ZNF407: variants seen among roughly 807,000 people sequenced by gnomAD.
ZNF407 encodes the protein zinc finger protein 407.
A neutral mutation model predicts 131.2 loss-of-function variants in ZNF407; 17 were observed. The ratio of observed to expected loss-of-function variants is 0.13; its 90% confidence interval spans 0.09 to 0.19. The LOEUF is 0.19. Among genes scored for constraint, ZNF407 ranks in the 10% least tolerant of loss-of-function variants. ZNF407 has a pLI of 1.00. For synonymous variants in ZNF407, 1,156 were observed against 1,062.0 expected (o/e 1.09, Z -1.72); for missense variants, 2,681 against 2,830.6 (o/e 0.95, Z 1.20).
At position 74,790,532 on chromosome 18, in the gene ZNF407, T is replaced by A. The variant is rs1189161342; in HGVS notation, c.4877+9030T>A. ...TTTTCTTCAGCTGGCATCTAGAATA[T>A]TTTTGGCCATTCTTTCTTTTATTTC... is the stretch of plus-strand genomic sequence containing the variant. On this transcript the variant is annotated intron_variant, in intron 4 of 8. Transcript: ENST00000299687. 1.3e-5 allele frequency among the ~76,000 whole-genome samples: 2 copies of A among 152,224 alleles called. 1 individual carries two copies. Among genetic ancestry groups the A allele is most frequent in the Non-Finnish European group, 2.9e-5 (2 of 68,040 alleles).
rs139023247 is a variant in ZNF407 at position 74,667,498 on chromosome 18, T to C, written c.4802+26376T>C. 4.1e-3 allele frequency among the ~76,000 whole-genome samples: 622 copies of C among 152,356 alleles called. 2 individuals carry two copies. The highest frequency in any genetic ancestry group is 0.014 in the African/African-American group (585 of 41,586). ...AGCTGTTGCTTTTACTGAGCATTTC[T>C]GATGTCAGGTTGCGTACTCGTCTCT... is the stretch of plus-strand genomic sequence containing the variant. On this transcript the variant is annotated intron_variant, in intron 3 of 8. Coordinates refer to ENST00000299687, the MANE Select transcript of ZNF407 (RefSeq NM_017757.3).
chr18:74,870,780 A>G (rs986438416), intron 4 of ZNF407, among the ~76,000 whole-genome samples: 2 of 152,188 alleles, frequency 1.3e-5, no homozygotes, highest in Admixed American at 1.3e-4. Context: ...TTGATTATTA[A>G]ATTTCTAGAC....
intron 3 of ZNF407, among the ~76,000 whole-genome samples, chr18:74,749,426 G>A (rs1216403142): frequency 6.6e-6 from 1 of 152,048 alleles, no homozygotes; most frequent in Non-Finnish European, 1.5e-5. Flanking sequence ...GAAATTAATG[G>A]TGCCCATTTT....
chr18:74,949,698 G>C (rs192646481), intron 8 of ZNF407, among the ~76,000 whole-genome samples: 5 of 151,852 alleles, frequency 3.3e-5, no homozygotes, highest in African/African-American at 1.2e-4. Context: ...ATCCTTAAAG[G>C]TTATTTTTTA....
chr18:74,962,284 C>T (rs905014637), intron 8 of ZNF407, among the ~76,000 whole-genome samples: 2 of 152,226 alleles, frequency 1.3e-5, no homozygotes, highest in Admixed American at 6.5e-5. Context: ...TACTCAGGGA[C>T]ACAATGATTT....
At chr18:74,864,261 A>G (rs1388493472) in intron 4 of ZNF407, among the ~76,000 whole-genome samples, 1 of 152,162 alleles carries the variant, frequency 6.6e-6, no homozygotes, top group Non-Finnish European at 1.5e-5. Flanking sequence ...GTCGTACTAC[A>G]CCTTATCCTA....
intron 8 of ZNF407, among the ~76,000 whole-genome samples, chr18:74,950,987 T>A (rs1457477744): frequency 6.6e-6 from 1 of 152,096 alleles, no homozygotes; most frequent in Non-Finnish European, 1.5e-5. Flanking sequence ...ATTTTAATAT[T>A]TTCAGATGCA....
chr18:74,994,722 AAGAC>A (rs1972759413), intron 8 of ZNF407, among the ~76,000 whole-genome samples: 1 of 152,132 alleles, frequency 6.6e-6, no homozygotes, highest in African/African-American at 2.4e-5. Context: ...CCATATGCAA[AAGAC>A]GGCAGCGGCA....
intron 7 of ZNF407, among the ~76,000 whole-genome samples, chr18:74,890,407 C>A (rs960576883): frequency 2.0e-5 from 3 of 152,138 alleles, no homozygotes; most frequent in Non-Finnish European, 4.4e-5. Context: ...GGTGAACATT[C>A]TGTGGGTTTT....
intron 8 of ZNF407, among the ~76,000 whole-genome samples, chr18:74,978,470 G>A (rs959467333): frequency 6.6e-6 from 1 of 152,090 alleles, no homozygotes; most frequent in Non-Finnish European, 1.5e-5. Flanking sequence ...TTCATTAAGA[G>A]GTGATGGAAA....
At chr18:74,882,056 A>C (rs1416596822) in intron 6 of ZNF407, among the ~76,000 whole-genome samples, 1 of 152,174 alleles carries the variant, frequency 6.6e-6, no homozygotes, top group Non-Finnish European at 1.5e-5. Flanking sequence ...TGCTCCCATG[A>C]TTCAGTTACC....
At chr18:74,966,722 T>C (rs2145298463) in intron 8 of ZNF407, among the ~76,000 whole-genome samples, 1 of 152,324 alleles carries the variant, frequency 6.6e-6, no homozygotes, top group South Asian at 2.1e-4. Flanking sequence ...TGATAGAGAT[T>C]GCATAGAATC....
intron 4 of ZNF407, among the ~76,000 whole-genome samples, chr18:74,845,623 A>G (rs879570888): frequency 4.0e-5 from 6 of 150,572 alleles, no homozygotes; most frequent in Admixed American, 6.6e-5. Context: ...GAAGGAAATT[A>G]CACTATAACT....
At chr18:75,034,372 C>T (rs1599304630) in intron 8 of ZNF407, among the ~76,000 whole-genome samples, 1 of 145,202 alleles carries the variant, frequency 6.9e-6, no homozygotes, top group African/African-American at 2.5e-5. Context: ...GGCGCGACCT[C>T]GACTCACTGC....
chr18:75,008,240 G>T (rs147856868), intron 8 of ZNF407, among the ~76,000 whole-genome samples: 1 of 152,298 alleles, frequency 6.6e-6, no homozygotes, highest in East Asian at 1.9e-4. Context: ...ACTGTTCCAG[G>T]CACAGCACCA....
At position 74,876,063 on chromosome 18, in the gene ZNF407, C is replaced by T. The variant is rs151296965; in HGVS notation, c.4878-1134C>T. Among the ~76,000 whole-genome samples, 638 of 152,244 alleles carry T rather than the reference C, an allele frequency of 4.2e-3. 5 individuals are homozygous for T. Among genetic ancestry groups the T allele is most frequent in the African/African-American group, 0.015 (611 of 41,538 alleles). ...TGGACCCTGGGATTCTTTATCAGCC[C>T]TTATGGGGCTAAGGAAATTTGTAAA... is the stretch of plus-strand genomic sequence containing the variant. On this transcript the variant is annotated intron_variant, in intron 4 of 8. Transcript: ENST00000299687.
At chr18:74,821,075 C>A (rs1383508986) in intron 4 of ZNF407, among the ~76,000 whole-genome samples, 3 of 151,962 alleles carry the variant, frequency 2.0e-5, no homozygotes, top group Non-Finnish European at 4.4e-5. Flanking sequence ...GTGATCGATG[C>A]CTTGTCTACA....
rs999266498 is a variant in ZNF407 at position 74,773,883 on chromosome 18, C to G, written c.4803-7545C>G. The stretch of plus-strand genomic sequence containing the variant: ...TCCATGATACTCCAGTAGCAGTGAT[C>G]AGAGTTAGCACCCAGGTCTTGCTTT... On this transcript the variant is annotated intron_variant, in intron 3 of 8. Coordinates refer to ENST00000299687, the MANE Select transcript of ZNF407 (RefSeq NM_017757.3). Among the ~76,000 whole-genome samples, 6 of 152,288 alleles carry G rather than the reference C, an allele frequency of 3.9e-5. No homozygotes were observed. The South Asian group carries it at 1.2e-3, about 32-fold the overall frequency.
chr18:74,958,119 ACT>A (rs1308422714), intron 8 of ZNF407, among the ~76,000 whole-genome samples: 1 of 151,986 alleles, frequency 6.6e-6, no homozygotes, highest in Non-Finnish European at 1.5e-5. Context: ...CACCTACGAG[ACT>A]CTGGACGTCT....
Sources: gnomAD v4.1 joint callset for allele counts (sites outside exome capture counted in the v4.1 genomes callset) on GRCh38, gnomAD v4.1.1 for gene constraint, MANE v1.5 for transcripts, NCBI Gene and HGNC (gene_info 2026-07-23, HGNC 2026-07-21) for gene names.